CLIP4: variants seen among roughly 807,000 people sequenced by gnomAD.
CLIP4 encodes the protein CAP-Gly domain containing linker protein family member 4.
A neutral mutation model predicts 73.1 loss-of-function variants in CLIP4; 47 were observed. That is an observed-to-expected ratio of 0.64 (90% CI 0.51 to 0.82). The LOEUF (loss-of-function observed/expected upper bound fraction) is 0.82, where lower values mean the gene tolerates loss of function less well. Ranked by LOEUF, CLIP4 falls within the 40% of genes least tolerant of loss-of-function variation. The probability of loss-of-function intolerance (pLI) is 0.00; values close to 1 mark genes in which losing one functional copy is unlikely to be tolerated. For synonymous variants in CLIP4, 306 were observed against 295.4 expected, an observed-to-expected ratio of 1.04 and a Z score of -0.37; for missense variants, 874 against 852.9, an observed-to-expected ratio of 1.02 and a Z score of -0.31.
intron 14 of CLIP4, among the ~76,000 whole-genome samples, chr2:29,171,758 T>G (rs1264757406): frequency 6.6e-6 from 1 of 152,118 alleles, no homozygotes. Context: ...GACCTTGTGA[T>G]CTGCCCGCCT....
Position 29,152,698 on chromosome 2 carries a change from T to C in CLIP4, c.1035T>C (p.Pro345=). Residue 345 remains proline (P), a synonymous_variant, in exon 9 of 16, where the codon CCT becomes CCC. Transcript: ENST00000320081. ...KCAPKYGIFA[P]LSKISKAKGR... is the part of the protein sequence containing the mutation. Reference sequence around the variant, plus strand: ...ATTCTCCCTTAGGTATTTTTGCACCTCTTTCAAAGATAAGTAAAGCAAAAG... The same window carrying C: ...ATTCTCCCTTAGGTATTTTTGCACCCCTTTCAAAGATAAGTAAAGCAAAAG... 1.9e-6 allele frequency: 3 copies of C among 1,613,106 alleles called. No individual in the cohort carries two copies. The highest frequency in any genetic ancestry group is 2.5e-6 in the Non-Finnish European group (3 of 1,179,598).
chr2:29,162,737 C>T (rs905190878), intron 12 of CLIP4, among the ~76,000 whole-genome samples: 8 of 152,058 alleles, frequency 5.3e-5, no homozygotes, highest in African/African-American at 1.9e-4. Flanking sequence ...ATGTTCAGAG[C>T]GTTAGTGCAG....
At chr2:29,179,658 G>A (rs1668537401) in intron 15 of CLIP4, among the ~76,000 whole-genome samples, 1 of 152,216 alleles carries the variant, frequency 6.6e-6, no homozygotes, top group Admixed American at 6.5e-5. Flanking sequence ...TTCAGGAAAT[G>A]ATAGCTATTG....
At position 29,152,717 on chromosome 2, in the gene CLIP4, G is replaced by A. The variant is rs1223206907; in HGVS notation, c.1054G>A (p.Ala352Thr). 2 of 1,613,396 alleles carry A rather than the reference G, an allele frequency of 1.2e-6. No homozygotes were observed. Among genetic ancestry groups the A allele is most frequent in the Non-Finnish European group, 1.7e-6 (2 of 1,179,738 alleles). The change falls in exon 9 of 16, where the codon GCA (alanine) becomes ACA (threonine). Residue 352 changes from alanine (A) to threonine (T), a missense_variant. Physicochemically the swap from Ala to Thr is moderately conservative, Grantham distance 58. Transcript: ENST00000320081. The stretch of plus-strand genomic sequence containing the variant: ...TGCACCTCTTTCAAAGATAAGTAAA[G>A]CAAAAGGTCGAAGGAAGAATATAAC... ...IFAPLSKISKAKGRRKNITHT... is the reference protein window; with the variant it reads ...IFAPLSKISKTKGRRKNITHT...
Position 29,166,520 on chromosome 2 carries a change from TACAC to T in CLIP4, c.1659-950_1659-947del, listed in dbSNP as rs1373292575. 3.3e-5 allele frequency among the ~76,000 whole-genome samples: 4 copies of T among 121,632 alleles called. No individual in the cohort carries two copies. The East Asian group carries it at 8.1e-4, about 24-fold the overall frequency. 79.8% of individuals were successfully genotyped at this position (121,632 alleles called of 152,430 possible). ...AAACTCACTGACTAGGTTAATCACA[TACAC>T]ACACAGACACACACACACACACACA... On this transcript the variant is annotated intron_variant, in intron 13 of 15. Coordinates refer to ENST00000320081, the MANE Select transcript of CLIP4 (RefSeq NM_024692.6).
At chr2:29,107,866 T>C (rs891200356) in intron 1 of CLIP4, among the ~76,000 whole-genome samples, 16 of 152,188 alleles carry the variant, frequency 1.1e-4, no homozygotes, top group African/African-American at 3.9e-4. Flanking sequence ...GACTGAAATC[T>C]TCAAAAACCC....
At chr2:29,123,398 A>G (rs916697576) in intron 2 of CLIP4, among the ~76,000 whole-genome samples, 1 of 152,210 alleles carries the variant, frequency 6.6e-6, no homozygotes, top group African/African-American at 2.4e-5. Flanking sequence ...CAGGTCTTCT[A>G]TAGGGAAGAC....
rs1558504949 is a variant in CLIP4, at chr2:29,107,367, T to TGTTTTTTTGTTTTTTTTTTTTTTG, written c.-16+9420_-16+9421insGTTTTTTTGTTTTTTTTTTTTTTG. Among the ~76,000 whole-genome samples the TGTTTTTTTGTTTTTTTTTTTTTTG allele has an allele frequency of 3.8e-4, 42 of 111,200 alleles. 2 individuals carry two copies. Among genetic ancestry groups the TGTTTTTTTGTTTTTTTTTTTTTTG allele is most frequent in the African/African-American group, 1.5e-3 (42 of 27,328 alleles). 73.0% of individuals were successfully genotyped at this position (111,200 alleles called of 152,430 possible). ...TTCCTGGAACATGATAGTTTTTTTT[T>TGTTTTTTTGTTTTTTTTTTTTTTG]TTTTTTTTTTTTTTTTTTTTTTGAG... On this transcript the variant is annotated intron_variant, in intron 1 of 14. Coordinates refer to the CLIP4 transcript ENST00000401605.
In CLIP4 at chr2:29,181,887, T is replaced by C; in HGVS notation, c.2112T>C (p.Asn704=). The change falls in exon 16 of 16, where the codon AAT becomes AAC. Residue 704 remains asparagine, a synonymous_variant. Transcript: ENST00000320081. ...ATGGGTCAAAACTTGTGGATGAGAA[T>C]TGTTAAGCTTCTAAAATATTAAATA... ...GINGSKLVDE[N]C The C allele has an allele frequency of 6.3e-7, 1 of 1,597,060 alleles. No individual in the cohort carries two copies. The highest frequency in any genetic ancestry group is 8.5e-7 in the Non-Finnish European group (1 of 1,169,700).
intron 3 of CLIP4, 183 bp downstream of exon 3, chr2:29,131,580 T>G: frequency 1.8e-6 from 1 of 545,964 alleles, no homozygotes; most frequent in Non-Finnish European, 3.0e-6. Context: ...TGATTATTTC[T>G]TCATGCTCTG....
intron 2 of CLIP4, among the ~76,000 whole-genome samples, chr2:29,123,301 A>G (rs1664391066): frequency 6.6e-6 from 1 of 152,220 alleles, no homozygotes; most frequent in Admixed American, 6.5e-5. Context: ...AGCGGCATAT[A>G]TAATTGCATT....
Position 29,099,174 on chromosome 2 carries a change from T to TGTC in CLIP4, c.-16+1227_-16+1228insGTC, listed in dbSNP as rs550151577. Among the ~76,000 whole-genome samples, 1,106 of 152,334 alleles carry TGTC rather than the reference T, an allele frequency of 7.3e-3. 7 individuals carry two copies. The highest frequency in any genetic ancestry group is 0.011 in the Non-Finnish European group (747 of 68,028). On this transcript the variant is annotated intron_variant, in intron 1 of 14. Transcript: ENST00000401605. ...TGTCTTTTCATTGTCTTAACAGGAT[T>TGTC]TTTCACAGAACAGAATTGAAAAAAT...
intron 5 of CLIP4, among the ~76,000 whole-genome samples, chr2:29,134,990 C>A (rs766646162): frequency 9.2e-5 from 14 of 152,092 alleles, no homozygotes; most frequent in Non-Finnish European, 1.9e-4. Flanking sequence ...AAAGGGCCAG[C>A]TACTAAATAC....
chr2:29,119,660 C>A (rs1426378695), intron 1 of CLIP4, among the ~76,000 whole-genome samples: 1 of 152,182 alleles, frequency 6.6e-6, no homozygotes, highest in East Asian at 1.9e-4. Context: ...CTCCTCAGTA[C>A]AGCCCTAAAA....
At chr2:29,102,365 C>G (rs1668074322) in intron 1 of CLIP4, among the ~76,000 whole-genome samples, 1 of 152,106 alleles carries the variant, frequency 6.6e-6, no homozygotes, top group East Asian at 1.9e-4. Context: ...TTGGTCACAC[C>G]TGCCCCACGA....
At chr2:29,106,921 AT>A (rs1268890079) in intron 1 of CLIP4, among the ~76,000 whole-genome samples, 4 of 152,068 alleles carry the variant, frequency 2.6e-5, no homozygotes, top group African/African-American at 9.7e-5. Context: ...ATTCTCACTT[AT>A]TTTTTACCTT....
intron 8 of CLIP4, among the ~76,000 whole-genome samples, chr2:29,150,596 T>C (rs1007094068): frequency 6.6e-6 from 1 of 152,036 alleles, no homozygotes; most frequent in Non-Finnish European, 1.5e-5. Context: ...ACATACAATT[T>C]TTCACATAAT....
chr2:29,155,418 A>G (rs1036084834), intron 9 of CLIP4, among the ~76,000 whole-genome samples: 12 of 152,118 alleles, frequency 7.9e-5, no homozygotes, highest in African/African-American at 2.2e-4. Context: ...ACACACACAC[A>G]CACACACAAG....
At chr2:29,131,847 TCAAA>T in intron 3 of CLIP4, 1 of 336,474 alleles carries the variant, frequency 3.0e-6, no homozygotes, top group Non-Finnish European at 5.4e-6. Context: ...TATACTTTTT[TCAAA>T]TATCATTACA....
Sources: gnomAD v4.1 joint callset for allele counts (sites outside exome capture counted in the v4.1 genomes callset) on GRCh38, gnomAD v4.1.1 for gene constraint, MANE v1.5 for transcripts, NCBI Gene and HGNC (gene_info 2026-07-23, HGNC 2026-07-21) for gene names.